The following WASF1 variants were observed in gnomAD, a reference collection of about 807,000 sequenced individuals.
WASF1 encodes the protein WASP family member 1.
A neutral mutation model predicts 50.5 loss-of-function variants in WASF1; 7 were observed. That is an observed-to-expected ratio of 0.14 (90% CI 0.08 to 0.26). The LOEUF is 0.26. Ranked by LOEUF, WASF1 falls within the 10% of genes least tolerant of loss-of-function variation. The pLI is 1.00. For synonymous variants in WASF1, 205 were observed against 244.0 expected, an observed-to-expected ratio of 0.84 and a Z score of 1.49; for missense variants, 470 against 694.7, an observed-to-expected ratio of 0.68 and a Z score of 3.64.
intron 2 of WASF1, among the ~76,000 whole-genome samples, chr6:110,162,442 CAAAAAA>C (rs546932624): frequency 1.5e-5 from 1 of 68,616 alleles, no homozygotes; most frequent in Non-Finnish European, 3.2e-5. Context: ...AAAGACAAGG[CAAAAAA>C]AAAAAAAAAT....
rs1158707055 is a variant in WASF1 at position 110,143,461 on chromosome 6, T to C, written c.-28-15832A>G. 2.0e-5 allele frequency among the ~76,000 whole-genome samples: 3 copies of C among 152,030 alleles called. No individual in the cohort carries two copies. In the East Asian group the frequency reaches 5.8e-4, roughly 29 times the overall value. The stretch of plus-strand genomic sequence containing the variant: ...ATGAGTATAAGCAATATATAAAGTA[T>C]TAAAAATAACCCAAGATCAGATGTC... On this transcript the variant is annotated intron_variant, in intron 3 of 10. Transcript: ENST00000392589.
At chr6:110,143,629 G>A (rs1011275592) in intron 3 of WASF1, among the ~76,000 whole-genome samples, 1 of 152,034 alleles carries the variant, frequency 6.6e-6, no homozygotes, top group Non-Finnish European at 1.5e-5. Context: ...TAAAATAGCT[G>A]CTTATTTTAA....
At chr6:110,147,114 G>A (rs34164264) in intron 3 of WASF1, among the ~76,000 whole-genome samples, 9,662 of 151,992 alleles carry the variant, frequency 0.064, 367 homozygotes, top group African/African-American at 0.12. Flanking sequence ...TTGGGAGGCC[G>A]AGGAGGGTGG....
At chr6:110,142,271 A>G (rs1775278709) in intron 3 of WASF1, among the ~76,000 whole-genome samples, 1 of 152,226 alleles carries the variant, frequency 6.6e-6, no homozygotes, top group Non-Finnish European at 1.5e-5. Context: ...AATGTACAGC[A>G]TACAGACTAG....
At chr6:110,172,908 C>G (rs567893854) in intron 2 of WASF1, among the ~76,000 whole-genome samples, 63 of 152,210 alleles carry the variant, frequency 4.1e-4, no homozygotes, top group Non-Finnish European at 7.5e-4. Context: ...CGTGTACCCT[C>G]TAAATCTATA....
Position 110,103,609 on chromosome 6 carries a change from A to G in WASF1, c.714-52T>C, listed in dbSNP as rs577894691. Reference sequence around the variant, plus strand: ...ATTATTCTTGAATTATTGGGAGGAAAGGGTTCTACATGAGATATTAAATAT... The same window carrying G: ...ATTATTCTTGAATTATTGGGAGGAAGGGGTTCTACATGAGATATTAAATAT... On this transcript the variant is annotated intron_variant, in intron 8 of 10. Transcript: ENST00000392589. 2.7e-6 allele frequency: 4 copies of G among 1,482,092 alleles called. No individual in the cohort carries two copies. The South Asian group carries it at 5.4e-5, about 20-fold the overall frequency. 91.8% of individuals were successfully genotyped at this position (1,482,092 alleles called of 1,614,324 possible). A position where few individuals can be genotyped will look rare whatever the true frequency, so the allele number is the denominator to read the frequency against.
At chr6:110,121,121 G>C (rs1774099137) in intron 4 of WASF1, among the ~76,000 whole-genome samples, 1 of 152,156 alleles carries the variant, frequency 6.6e-6, no homozygotes, top group South Asian at 2.1e-4. Flanking sequence ...CAGGACATAG[G>C]CATGGGCAAA....
In WASF1 at chr6:110,149,751, G is replaced by T. The variant is rs191529581; in HGVS notation, c.-29+10884C>A. ...TTTAATTTTTTATTTCAAGTTTCTG[G>T]GGTACATGGATAAGTGATTTGGTAG... On this transcript the variant is annotated intron_variant, in intron 3 of 10. Coordinates refer to ENST00000392589, the MANE Select transcript of WASF1 (RefSeq NM_003931.3). 1.6e-3 allele frequency among the ~76,000 whole-genome samples: 242 copies of T among 152,052 alleles called. 2 individuals are homozygous for T. Among genetic ancestry groups the T allele is most frequent in the African/African-American group, 5.7e-3 (235 of 41,488 alleles).
chr6:110,116,901 G>A (rs1348216242), intron 4 of WASF1, among the ~76,000 whole-genome samples: 1 of 152,020 alleles, frequency 6.6e-6, no homozygotes, highest in Non-Finnish European at 1.5e-5. Context: ...GGTCTGGAGT[G>A]GACCTCAAGC....
chr6:110,130,238 A>G (rs529683705), intron 3 of WASF1, among the ~76,000 whole-genome samples: 32 of 152,348 alleles, frequency 2.1e-4, no homozygotes, highest in African/African-American at 7.7e-4. Flanking sequence ...AAAATTGTAC[A>G]CCTCAAAAAT....
At chr6:110,113,562 AC>A (rs1442397265) in intron 4 of WASF1, 102 bp from the exon 5 acceptor site, 2 of 1,058,888 alleles carry the variant, frequency 1.9e-6, no homozygotes, top group Non-Finnish European at 2.7e-6. Flanking sequence ...GCCCTCAGAT[AC>A]TTTGTGATCA....
chr6:110,126,667 A>G (rs1344577636), intron 4 of WASF1, among the ~76,000 whole-genome samples: 1 of 152,238 alleles, frequency 6.6e-6, no homozygotes, highest in Non-Finnish European at 1.5e-5. Context: ...ACCTTGTTTC[A>G]CCTTTAAAAT....
chr6:110,108,188 GTTTAT>G (rs1318655089), intron 6 of WASF1, among the ~76,000 whole-genome samples: 1 of 144,140 alleles, frequency 6.9e-6, no homozygotes, highest in Admixed American at 6.9e-5. Flanking sequence ...CAAAAATTAT[GTTTAT>G]TTTGTTAGTA....
intron 9 of WASF1, among the ~76,000 whole-genome samples, 175 bp from the exon 10 acceptor site, chr6:110,102,391 G>T (rs1311276789): frequency 6.6e-6 from 1 of 150,666 alleles, no homozygotes; most frequent in Non-Finnish European, 1.5e-5. Flanking sequence ...AGAACTAAAA[G>T]CACATCAATA....
intron 3 of WASF1, among the ~76,000 whole-genome samples, chr6:110,144,363 G>C (rs1013833485): frequency 9.9e-5 from 15 of 151,870 alleles, no homozygotes; most frequent in Admixed American, 5.9e-4. Context: ...CTGGATATTA[G>C]CCCTTTGTCA....
intron 5 of WASF1, among the ~76,000 whole-genome samples, chr6:110,112,482 G>A (rs1773600829): frequency 6.6e-6 from 1 of 151,850 alleles, no homozygotes; most frequent in South Asian, 2.1e-4. Context: ...TTAATATCTT[G>A]GTATAGAATG....
At chr6:110,103,669 T>A (rs915199921) in intron 8 of WASF1, 112 bp from the exon 9 acceptor site, 1 of 999,916 alleles carries the variant, frequency 1.0e-6, no homozygotes. Context: ...ATATTTTAAC[T>A]ATTTTTAAGA....
intron 4 of WASF1, 103 bp from the exon 5 acceptor site, chr6:110,113,563 C>T: frequency 9.6e-7 from 1 of 1,043,778 alleles, no homozygotes. Flanking sequence ...CCCTCAGATA[C>T]TTTGTGATCA....
At chr6:110,114,966 C>A (rs1773731287) in intron 4 of WASF1, among the ~76,000 whole-genome samples, 2 of 152,000 alleles carry the variant, frequency 1.3e-5, no homozygotes, top group Admixed American at 1.3e-4. Context: ...ATGGTATGTG[C>A]CTGTAGTCCC....
Sources: allele counts gnomAD v4.1 joint callset (sites outside exome capture counted in the v4.1 genomes callset), GRCh38; gene constraint gnomAD v4.1.1; transcripts MANE v1.5; gene names NCBI Gene and HGNC (gene_info 2026-07-23, HGNC 2026-07-21).